MLLT10: variants seen among roughly 807,000 people sequenced by gnomAD.
MLLT10 encodes the protein MLLT10 histone lysine methyltransferase DOT1L cofactor, also known as protein AF-10.
Under a neutral mutation model 129.1 loss-of-function variants are expected in MLLT10, and 30 were observed. The observed-to-expected ratio is 0.23, with a 90% CI of 0.17 to 0.32. MLLT10 has a LOEUF of 0.32. Among genes scored for constraint, MLLT10 ranks in the 10% least tolerant of loss-of-function variants. MLLT10 has a pLI of 1.00. For missense variants in MLLT10, 1,119 were observed against 1,268.3 expected (o/e 0.88, Z 1.79); for synonymous variants, 490 against 446.4 (o/e 1.10, Z -1.23).
At chr10:21,704,317 GTTC>G in intron 13 of MLLT10, among the ~76,000 whole-genome samples, 1 of 112,020 alleles carries the variant, frequency 8.9e-6, no homozygotes, top group East Asian at 2.6e-4. Context: ...CCTCTGTTTT[GTTC>G]TTTTTAAATT....
At chr10:21,540,169 T>TC (rs1423594800) in intron 3 of MLLT10, among the ~76,000 whole-genome samples, 5 of 152,090 alleles carry the variant, frequency 3.3e-5, no homozygotes, top group African/African-American at 1.2e-4. Flanking sequence ...GGTGGGCGGA[T>TC]CACTTGGGGT....
intron 3 of MLLT10, among the ~76,000 whole-genome samples, chr10:21,543,349 G>C (rs2035534333): frequency 6.6e-6 from 1 of 152,142 alleles, no homozygotes. Flanking sequence ...TCGAACTCCT[G>C]ACCTCAGGTG....
At chr10:21,608,759 A>AT (rs2044311747) in intron 5 of MLLT10, among the ~76,000 whole-genome samples, 1 of 151,894 alleles carries the variant, frequency 6.6e-6, no homozygotes, top group South Asian at 2.1e-4. Flanking sequence ...AAGTTTGCTA[A>AT]TTTTTTTCTT....
At chr10:21,652,505 G>A (rs1341667378) in intron 9 of MLLT10, among the ~76,000 whole-genome samples, 2 of 152,220 alleles carry the variant, frequency 1.3e-5, no homozygotes, top group Non-Finnish European at 2.9e-5. Flanking sequence ...TTGGTTCATA[G>A]TGAGAATTAG....
chr10:21,623,256 C>A (rs985328408), intron 8 of MLLT10, among the ~76,000 whole-genome samples: 1 of 152,156 alleles, frequency 6.6e-6, no homozygotes, highest in African/African-American at 2.4e-5. Context: ...ACAGAGGTAC[C>A]GGGGTAGGAC....
intron 3 of MLLT10, 22 bp downstream of exon 3, chr10:21,538,934 C>T (rs200231830): frequency 1.9e-6 from 3 of 1,577,626 alleles, no homozygotes; most frequent in East Asian, 4.5e-5. Context: ...TTATCAAAAA[C>T]ATTAAACTTT....
intron 13 of MLLT10, among the ~76,000 whole-genome samples, chr10:21,710,326 C>T (rs1474446681): frequency 6.6e-6 from 1 of 152,148 alleles, no homozygotes; most frequent in Non-Finnish European, 1.5e-5. Flanking sequence ...GATGGAGATG[C>T]TGATGGATTA....
chr10:21,553,587 A>G (rs897506573), intron 3 of MLLT10, among the ~76,000 whole-genome samples: 1 of 151,812 alleles, frequency 6.6e-6, no homozygotes, highest in Non-Finnish European at 1.5e-5. Context: ...TCAGCCTCCT[A>G]AAGAGTTGGG....
At chr10:21,587,877 T>G (rs2042139501) in intron 4 of MLLT10, among the ~76,000 whole-genome samples, 1 of 152,194 alleles carries the variant, frequency 6.6e-6, no homozygotes, top group Admixed American at 6.5e-5. Flanking sequence ...TTATCAATAG[T>G]TTTCCTGCTA....
intron 13 of MLLT10, among the ~76,000 whole-genome samples, chr10:21,685,572 T>C (rs116542107): frequency 0.028 from 4,208 of 152,264 alleles, 199 homozygotes; most frequent in African/African-American, 0.095. Context: ...TAGACTCAAG[T>C]GATCCGCAAG....
At chr10:21,627,154 A>G (rs976540533) in intron 8 of MLLT10, among the ~76,000 whole-genome samples, 2 of 152,108 alleles carry the variant, frequency 1.3e-5, no homozygotes, top group Admixed American at 6.5e-5. Flanking sequence ...ACATTTTACC[A>G]TATTAATGTT....
In MLLT10 at chr10:21,736,247, G is replaced by T. The variant is rs573930525; in HGVS notation, c.2955+1012G>T. ...GGCAGGAGACGTAGGTGTTAAAATAGTATGGGCTACGTATTGAAAACTGCC... is the reference window on the plus strand; with the variant it reads ...GGCAGGAGACGTAGGTGTTAAAATATTATGGGCTACGTATTGAAAACTGCC... On this transcript the variant is annotated intron_variant, in intron 21 of 22. Transcript: ENST00000307729. 2.4e-3 allele frequency among the ~76,000 whole-genome samples: 359 copies of T among 152,262 alleles called. 2 individuals carry two copies. Among genetic ancestry groups the T allele is most frequent in the African/African-American group, 8.3e-3 (346 of 41,538 alleles).
At chr10:21,665,411 C>T (rs2050688845) in intron 9 of MLLT10, among the ~76,000 whole-genome samples, 1 of 151,626 alleles carries the variant, frequency 6.6e-6, no homozygotes, top group South Asian at 2.1e-4. Context: ...GCCTCAGCCT[C>T]CTGAATAGCT....
At chr10:21,641,227 A>C (rs958111694) in intron 8 of MLLT10, among the ~76,000 whole-genome samples, 16 of 152,230 alleles carry the variant, frequency 1.1e-4, no homozygotes, top group African/African-American at 3.6e-4. Context: ...GTAATTACAG[A>C]GAATGACAGA....
intron 13 of MLLT10, among the ~76,000 whole-genome samples, chr10:21,693,339 TC>T (rs778341541): frequency 6.6e-6 from 1 of 152,090 alleles, no homozygotes; most frequent in Non-Finnish European, 1.5e-5. Context: ...TCCTTTGCTT[TC>T]CCTGTACTCA....
chr10:21,623,558 CTTA>C (rs755072099), intron 8 of MLLT10, among the ~76,000 whole-genome samples: 4 of 152,150 alleles, frequency 2.6e-5, no homozygotes, highest in Non-Finnish European at 5.9e-5. Context: ...GACACACACA[CTTA>C]TTATATATGT....
At chr10:21,731,597 G>A (rs751246358) in intron 17 of MLLT10, among the ~76,000 whole-genome samples, 11 of 151,770 alleles carry the variant, frequency 7.2e-5, no homozygotes, top group East Asian at 1.9e-4. Flanking sequence ...AAGTATGGCC[G>A]GCTAGCTTCT....
intron 3 of MLLT10, among the ~76,000 whole-genome samples, chr10:21,554,698 G>A (rs1312679865): frequency 6.6e-6 from 1 of 151,490 alleles, no homozygotes. Flanking sequence ...CTGACCTCGT[G>A]ATCTGCCCGC....
intron 13 of MLLT10, among the ~76,000 whole-genome samples, chr10:21,687,738 T>C (rs2053445853): frequency 6.6e-6 from 1 of 151,938 alleles, no homozygotes; most frequent in Non-Finnish European, 1.5e-5. Flanking sequence ...GGGGTTGAAA[T>C]GAAATTCTAG....
Sources: gnomAD v4.1 joint callset for allele counts (sites outside exome capture counted in the v4.1 genomes callset) on GRCh38, gnomAD v4.1.1 for gene constraint, MANE v1.5 for transcripts, NCBI Gene and HGNC (gene_info 2026-07-23, HGNC 2026-07-21) for gene names.